The following PLEKHA6 variants were observed in gnomAD, a reference collection of about 807,000 sequenced individuals.
PLEKHA6 encodes pleckstrin homology domain containing A6, also known as pleckstrin homology domain-containing family A member 6.
PLEKHA6 carries 60 observed loss-of-function variants against 116.7 expected under a neutral mutation model. That is an observed-to-expected ratio of 0.51 (90% CI 0.42 to 0.64). PLEKHA6 has a LOEUF of 0.64. Among genes scored for constraint, PLEKHA6 ranks in the 30% least tolerant of loss-of-function variants. The probability of loss-of-function intolerance (pLI) is 0.00; values close to 1 mark genes in which losing one functional copy is unlikely to be tolerated. For synonymous variants in PLEKHA6, 489 were observed against 556.1 expected (o/e 0.88, Z 1.70); for missense variants, 1,338 against 1,422.7 (o/e 0.94, Z 0.96).
rs1418461546 is a variant in PLEKHA6 at position 204,257,139 on chromosome 1, C to G, written c.1524+214G>C. Among the ~76,000 whole-genome samples the G allele has an allele frequency of 1.3e-5, 2 of 152,220 alleles. No homozygotes were observed. Among genetic ancestry groups the G allele is most frequent in the East Asian group, 3.8e-4 (2 of 5,196 alleles). The stretch of plus-strand genomic sequence containing the variant: ...GGGGCATGTACAGAAAGCAATGTCC[C>G]CACTCAAGAGGCAAAGCCATCCCCA... On this transcript the variant is annotated intron_variant, in intron 9 of 22. Coordinates refer to ENST00000272203, the MANE Select transcript of PLEKHA6 (RefSeq NM_014935.5). This position sits in a 1 kb window ranked among gnomAD's most constrained non-coding sequence, Gnocchi z 6.5.
intron 1 of PLEKHA6, among the ~76,000 whole-genome samples, chr1:204,332,966 G>C (rs564251491): frequency 6.6e-6 from 1 of 152,358 alleles, no homozygotes; most frequent in South Asian, 2.1e-4. Context: ...TAAATGCAGA[G>C]TATCATTATC....
In PLEKHA6 at chr1:204,228,914, C is replaced by T. The variant is rs1248152705; in HGVS notation, c.2751+23G>A. 3.7e-6 allele frequency: 6 copies of T among 1,614,102 alleles called. No homozygotes were observed. The highest frequency in any genetic ancestry group is 5.1e-6 in the Non-Finnish European group (6 of 1,179,980). ...TGTCCCTTCCCAGAGTCTCCCACTA[C>T]AGCCCTTCCTGGCTCCACTCACCTC... On this transcript the variant is annotated intron_variant, in intron 19 of 22. Transcript: ENST00000272203. This position sits in a 1 kb window ranked among gnomAD's most constrained non-coding sequence, Gnocchi z 4.0.
Position 204,250,616 on chromosome 1 carries a change from T to C in PLEKHA6, c.1525-2A>G. On this transcript the variant is annotated splice_acceptor_variant, in intron 9 of 22. Transcript: ENST00000272203. LOFTEE classifies it high-confidence loss of function. Reference sequence around the variant, plus strand: ...GAACACTTCTGGGTATGGAGGGACCTGCAGGAACATGAGGCCGGTTACTGC... The same window carrying C: ...GAACACTTCTGGGTATGGAGGGACCCGCAGGAACATGAGGCCGGTTACTGC... 6.2e-7 allele frequency: 1 copy of C among 1,609,496 alleles called. No homozygotes were observed. The highest frequency in any genetic ancestry group is 8.5e-7 in the Non-Finnish European group (1 of 1,176,436).
chr1:204,314,286 G>T (rs1172946659), intron 1 of PLEKHA6, among the ~76,000 whole-genome samples: 1 of 152,196 alleles, frequency 6.6e-6, no homozygotes, highest in South Asian at 2.1e-4. Context: ...TGTCTGAACT[G>T]TAGCTCACCT....
intron 1 of PLEKHA6, chr1:204,313,833 T>G (rs2103183082): frequency 3.4e-6 from 1 of 291,470 alleles, no homozygotes; most frequent in East Asian, 1.7e-4. Flanking sequence ...ACAGAGCATC[T>G]CCCCGGGGAT....
chr1:204,313,772 T>A, intron 1 of PLEKHA6: 1 of 897,592 alleles, frequency 1.1e-6, no homozygotes, highest in Non-Finnish European at 1.3e-6. Flanking sequence ...ACCATGTAGG[T>A]GTCTAATTAA....
intron 12 of PLEKHA6, among the ~76,000 whole-genome samples, chr1:204,247,776 A>C (rs1473463256): frequency 6.6e-6 from 1 of 152,120 alleles, no homozygotes; most frequent in Non-Finnish European, 1.5e-5. Flanking sequence ...GGGGAAAATG[A>C]CAAGACCCCA....
In PLEKHA6 at chr1:204,328,399, CT is replaced by C. The variant is rs796534954; in HGVS notation, c.-95+31294del. Among the ~76,000 whole-genome samples the C allele has an allele frequency of 9.0e-3, 1,125 of 125,670 alleles. 12 individuals carry two copies. Among genetic ancestry groups the C allele is most frequent in the East Asian group, 0.038 (160 of 4,210 alleles). The allele number at this position is 125,670 out of a possible 152,430, so 82.4% of individuals were successfully genotyped here. On this transcript the variant is annotated intron_variant, in intron 1 of 22. Coordinates refer to ENST00000272203, the MANE Select transcript of PLEKHA6 (RefSeq NM_014935.5). ...ACCCAACCCACAGTCAATTTTCTTT[CT>C]TTTTTTTTTTTTTTAGACAGAGTTT... is the stretch of plus-strand genomic sequence containing the variant.
chr1:204,236,685 A>G (rs1662099336), intron 17 of PLEKHA6, among the ~76,000 whole-genome samples: 1 of 152,208 alleles, frequency 6.6e-6, no homozygotes, highest in South Asian at 2.1e-4. Flanking sequence ...AGTCTGACTT[A>G]TGTAGAGCTC....
rs543926346 is a variant in PLEKHA6, at chr1:204,356,772, C to T, written c.-95+2922G>A. ...CCAAAATTAAAATTATATATCAAAC[C>T]TATGGGTAATTCTTAACTTTGCTTT... On this transcript the variant is annotated intron_variant, in intron 1 of 22. Transcript: ENST00000272203. Among the ~76,000 whole-genome samples, 151 of 152,064 alleles carry T rather than the reference C, an allele frequency of 9.9e-4. 1 individual carries two copies. The South Asian group carries it at 0.015, about 15-fold the overall frequency.
intron 2 of PLEKHA6, among the ~76,000 whole-genome samples, chr1:204,370,929 A>G (rs1433021393): frequency 6.6e-6 from 1 of 151,910 alleles, no homozygotes; most frequent in African/African-American, 2.4e-5. Context: ...TGGCACACAC[A>G]TGTAATCCCA....
intron 10 of PLEKHA6, 124 bp downstream of exon 10, chr1:204,250,422 G>A: frequency 1.4e-6 from 1 of 712,798 alleles, no homozygotes; most frequent in Non-Finnish European, 2.6e-6. Context: ...GCCACCAGAA[G>A]GAGAGAGATA....
chr1:204,294,002 G>A (rs977572075), intron 1 of PLEKHA6, among the ~76,000 whole-genome samples: 14 of 152,348 alleles, frequency 9.2e-5, no homozygotes, highest in African/African-American at 2.9e-4. Context: ...TTGTATCGAT[G>A]TTATTAAGTT....
At chr1:204,290,983 T>A (rs1374954580) in intron 1 of PLEKHA6, among the ~76,000 whole-genome samples, 3 of 103,850 alleles carry the variant, frequency 2.9e-5, no homozygotes, top group South Asian at 3.1e-4. Flanking sequence ...AGTGAGACCC[T>A]GTCTCAAAAA....
intron 17 of PLEKHA6, among the ~76,000 whole-genome samples, chr1:204,234,855 A>C (rs1661718903): frequency 6.6e-6 from 1 of 150,728 alleles, no homozygotes; most frequent in South Asian, 2.1e-4. Flanking sequence ...GAAGTTCTTC[A>C]GTTTTGGGAC....
Position 204,244,923 on chromosome 1 carries a change from T to G in PLEKHA6, c.2113A>C (p.Ser705Arg). 1 of 1,530,888 alleles carries G rather than the reference T, an allele frequency of 6.5e-7. No individual in the cohort carries two copies. Among genetic ancestry groups the G allele is most frequent in the Non-Finnish European group, 8.8e-7 (1 of 1,136,594 alleles). 94.8% of individuals were successfully genotyped at this position (1,530,888 alleles called of 1,614,324 possible). A position where few individuals can be genotyped will look rare whatever the true frequency, so the allele number is the denominator to read the frequency against. The change falls in exon 15 of 23, where the codon AGC becomes CGC. Residue 705 changes from serine to arginine, a missense_variant. Ser to Arg is a moderately radical substitution (Grantham distance 110, BLOSUM62 -1). This residue lies in a region of PLEKHA6 where 1,136 missense variants were observed against 1,163.6 expected (regional missense o/e 0.98). Transcript: ENST00000272203. ...LSSASLTSPL[S>R]PFSLVSGSQG... ...GAGCCCGACACCAGTGAAAAGGGGCTCAGGGGGCTGGTGAGGCTGGCAGAG... is the reference window on the plus strand; with the variant it reads ...GAGCCCGACACCAGTGAAAAGGGGCGCAGGGGGCTGGTGAGGCTGGCAGAG...
intron 21 of PLEKHA6, among the ~76,000 whole-genome samples, chr1:204,225,829 A>G (rs1441303529): frequency 1.3e-5 from 2 of 152,242 alleles, no homozygotes; most frequent in African/African-American, 4.8e-5. Flanking sequence ...ACTTGAATAC[A>G]CACAAATAAA....
chr1:204,360,389 C>T (rs1016383190), upstream of PLEKHA6, among the ~76,000 whole-genome samples: 10 of 152,030 alleles, frequency 6.6e-5, no homozygotes, highest in Admixed American at 2.6e-4. Context: ...CCCCGCCCCC[C>T]CCCCAATATG....
rs367715021 is a variant in PLEKHA6 at position 204,250,516 on chromosome 1, G to A, written c.1593+30C>T. On this transcript the variant is annotated intron_variant, in intron 10 of 22. Coordinates refer to ENST00000272203, the MANE Select transcript of PLEKHA6 (RefSeq NM_014935.5). ...AGGACAGCAGCAGGAGGCTGGAGTGGAGGGAGGGAGCAGGGGGCGCTGCTC... is the reference window on the plus strand; with the variant it reads ...AGGACAGCAGCAGGAGGCTGGAGTGAAGGGAGGGAGCAGGGGGCGCTGCTC... The A allele has an allele frequency of 2.2e-4, 341 of 1,531,186 alleles. 2 individuals carry two copies. In the South Asian group the frequency reaches 3.8e-3, roughly 17 times the overall value. The allele number at this position is 1,531,186 out of a possible 1,614,324, so 94.8% of individuals were successfully genotyped here.
Sources: gnomAD v4.1 joint callset for allele counts (sites outside exome capture counted in the v4.1 genomes callset) on GRCh38, gnomAD v4.1.1 for gene constraint, gnomAD v4.1.1 regional missense constraint, Gnocchi (gnomAD v3.1) non-coding constraint, MANE v1.5 for transcripts, NCBI Gene and HGNC (gene_info 2026-07-23, HGNC 2026-07-21) for gene names.